LDLRAD4: variants seen among roughly 807,000 people sequenced by gnomAD.
LDLRAD4 encodes low density lipoprotein receptor class A domain containing 4.
A neutral mutation model predicts 17.0 loss-of-function variants in LDLRAD4; 5 were observed. That is an observed-to-expected ratio of 0.29 (90% CI 0.15 to 0.62). LDLRAD4 has a LOEUF of 0.62. Among genes scored for constraint, LDLRAD4 ranks in the 20% least tolerant of loss-of-function variants. LDLRAD4 has a pLI of 0.84. For missense variants in LDLRAD4, 340 were observed against 424.7 expected (o/e 0.80, Z 1.75); for synonymous variants, 168 against 171.8 (o/e 0.98, Z 0.17).
chr18:13,276,615 G>A (rs1055488417), upstream of LDLRAD4, among the ~76,000 whole-genome samples: 1 of 152,210 alleles, frequency 6.6e-6, no homozygotes, highest in Non-Finnish European at 1.5e-5. Context: ...CTGCTCTCAG[G>A]TCCTGGGGAG....
At chr18:13,282,013 G>A (rs2045312730) in intron 1 of LDLRAD4, among the ~76,000 whole-genome samples, 1 of 152,158 alleles carries the variant, frequency 6.6e-6, no homozygotes, top group Non-Finnish European at 1.5e-5. Flanking sequence ...CTTACATGGC[G>A]GCAGCAAGAG....
At chr18:13,574,237 T>G (rs2094735077) in intron 3 of LDLRAD4, among the ~76,000 whole-genome samples, 1 of 152,176 alleles carries the variant, frequency 6.6e-6, no homozygotes, top group African/African-American at 2.4e-5. Flanking sequence ...TGGTTTGCTT[T>G]TGTGTGTGGG....
At chr18:13,219,550 A>T (rs1239827106) in intron 1 of LDLRAD4, among the ~76,000 whole-genome samples, 1 of 152,154 alleles carries the variant, frequency 6.6e-6, no homozygotes, top group Non-Finnish European at 1.5e-5. Context: ...GCATTGTAGG[A>T]TGTGAGGTAA....
chr18:13,624,776 T>G (rs1317619741), intron 4 of LDLRAD4, among the ~76,000 whole-genome samples: 1 of 152,158 alleles, frequency 6.6e-6, no homozygotes, highest in African/African-American at 2.4e-5. Context: ...GGCTGGCTGG[T>G]CAGCATGGCA....
At chr18:13,564,580 TAAAAAAAAAAAAA>T (rs367805996) in intron 3 of LDLRAD4, among the ~76,000 whole-genome samples, 5 of 82,460 alleles carry the variant, frequency 6.1e-5, no homozygotes, top group Admixed American at 1.3e-4. Flanking sequence ...TCCCATTTTC[TAAAAAAAAAAAAA>T]AAAAAAAAAA....
At chr18:13,527,374 C>T (rs2094049718) in intron 3 of LDLRAD4, among the ~76,000 whole-genome samples, 1 of 152,260 alleles carries the variant, frequency 6.6e-6, no homozygotes, top group Non-Finnish European at 1.5e-5. Context: ...GGAGGCGGGC[C>T]TCCAGGCTGA....
At chr18:13,476,860 A>G (rs1054987675) in intron 3 of LDLRAD4, among the ~76,000 whole-genome samples, 7 of 152,102 alleles carry the variant, frequency 4.6e-5, no homozygotes, top group African/African-American at 7.2e-5. Context: ...TCCAGCAGAT[A>G]TTTGCTTCAG....
chr18:13,334,647 G>A (rs2082020764), intron 1 of LDLRAD4, among the ~76,000 whole-genome samples: 1 of 152,184 alleles, frequency 6.6e-6, no homozygotes, highest in Admixed American at 6.5e-5. Flanking sequence ...CACAAAGACA[G>A]TTTTATTTCT....
In LDLRAD4 at chr18:13,459,665, G is replaced by A. The variant is rs186368605; in HGVS notation, c.181+21281G>A. Among the ~76,000 whole-genome samples the A allele has an allele frequency of 3.0e-3, 461 of 152,272 alleles. 2 individuals carry two copies. The highest frequency in any genetic ancestry group is 5.2e-3 in the Non-Finnish European group (356 of 68,032). On this transcript the variant is annotated intron_variant, in intron 3 of 5. Transcript: ENST00000359446. ...CCCAAAGTGCTGGGATTACAGCTGT[G>A]AGCCACCGCACCCGGTCAAATTCGG...
chr18:13,328,252 T>C (rs994082477), intron 1 of LDLRAD4, among the ~76,000 whole-genome samples: 1 of 152,218 alleles, frequency 6.6e-6, no homozygotes, highest in East Asian at 1.9e-4. Flanking sequence ...GGCTAAAAAC[T>C]CCATCCTTGG....
At chr18:13,377,181 C>A (rs191282231) in intron 1 of LDLRAD4, among the ~76,000 whole-genome samples, 1 of 152,346 alleles carries the variant, frequency 6.6e-6, no homozygotes, top group Non-Finnish European at 1.5e-5. Context: ...TGGGTCTGCT[C>A]ACTGCCGGTA....
At chr18:13,530,332 T>C (rs187041030) in intron 3 of LDLRAD4, among the ~76,000 whole-genome samples, 1 of 152,348 alleles carries the variant, frequency 6.6e-6, no homozygotes, top group Admixed American at 6.5e-5. Context: ...AAAGATGGCC[T>C]CCTCCTTTTT....
chr18:13,612,046 T>TC (rs1437942375), intron 3 of LDLRAD4: 1 of 985,424 alleles, frequency 1.0e-6, no homozygotes, highest in Non-Finnish European at 1.2e-6. Context: ...GCGTCCCGCC[T>TC]GTCGCGTGTC....
At chr18:13,333,968 T>C (rs533711013) in intron 1 of LDLRAD4, among the ~76,000 whole-genome samples, 9 of 152,346 alleles carry the variant, frequency 5.9e-5, no homozygotes, top group Non-Finnish European at 1.3e-4. Flanking sequence ...TGCAATTGCA[T>C]TGAATCTATT....
At chr18:13,507,581 T>A (rs180942134) in intron 3 of LDLRAD4, among the ~76,000 whole-genome samples, 8 of 152,338 alleles carry the variant, frequency 5.3e-5, no homozygotes, top group African/African-American at 1.9e-4. Context: ...GCACTTAGGT[T>A]GGCTCCATAT....
intron 3 of LDLRAD4, among the ~76,000 whole-genome samples, chr18:13,508,287 G>A (rs1238231353): frequency 1.3e-5 from 2 of 152,238 alleles, no homozygotes; most frequent in Non-Finnish European, 2.9e-5. Context: ...AAAGTGCAGG[G>A]TAAAGCAGCA....
At chr18:13,637,344 C>G (rs2042167680) in intron 4 of LDLRAD4, among the ~76,000 whole-genome samples, 1 of 152,082 alleles carries the variant, frequency 6.6e-6, no homozygotes, top group South Asian at 2.1e-4. Flanking sequence ...TCTTCTGAAA[C>G]CAAGTAGCCA....
chr18:13,264,203 G>A (rs2044081912), intron 1 of LDLRAD4, among the ~76,000 whole-genome samples: 1 of 152,202 alleles, frequency 6.6e-6, no homozygotes, highest in Non-Finnish European at 1.5e-5. Flanking sequence ...CTGGTTGCGG[G>A]ATGGACCTGA....
chr18:13,372,052 A>G (rs1303242679), intron 1 of LDLRAD4, among the ~76,000 whole-genome samples: 1 of 152,216 alleles, frequency 6.6e-6, no homozygotes, highest in Non-Finnish European at 1.5e-5. Context: ...ATGATATTTA[A>G]GAGCAGTTTT....
Sources: gnomAD v4.1 joint callset for allele counts (sites outside exome capture counted in the v4.1 genomes callset) on GRCh38, gnomAD v4.1.1 for gene constraint, MANE v1.5 for transcripts, NCBI Gene and HGNC (gene_info 2026-07-23, HGNC 2026-07-21) for gene names.